The following DOP1B variants were observed in gnomAD, a reference collection of about 807,000 sequenced individuals.
The protein encoded by DOP1B is protein DOP1B.
DOP1B carries 174 observed loss-of-function variants against 233.5 expected under a neutral mutation model. The observed-to-expected ratio is 0.75, with a 90% CI of 0.66 to 0.85. The LOEUF (loss-of-function observed/expected upper bound fraction) is 0.85, where lower values mean the gene tolerates loss of function less well. DOP1B is among the 40% of genes least tolerant of loss of function. DOP1B has a pLI of 0.00. For missense variants in DOP1B, 2,652 were observed against 2,846.6 expected, an observed-to-expected ratio of 0.93 and a Z score of 1.56; for synonymous variants, 1,190 against 1,185.6, an observed-to-expected ratio of 1.00 and a Z score of -0.08.
Position 36,289,221 on chromosome 21 carries a change from A to G in DOP1B, c.6515+15A>G. On this transcript the variant is annotated intron_variant, in intron 35 of 36. Coordinates refer to ENST00000691173, the MANE Select transcript of DOP1B (RefSeq NM_001320714.2). ...TTATTTCAAATGTAAGTCAGATAGG[A>G]TCGTGTGTCCTTTTTGAAGTAAGAG... The G allele has an allele frequency of 6.2e-7, 1 of 1,608,670 alleles. No individual in the cohort carries two copies. Among genetic ancestry groups the G allele is most frequent in the South Asian group, 1.1e-5 (1 of 89,278 alleles).
At position 36,181,125 on chromosome 21, in the gene DOP1B, G is replaced by T. The variant is rs139252549; in HGVS notation, c.138+16254G>T. ...TGTTGCTATCAGTGTGTTAACCACG[G>T]TAATGTTGGCTGCTATAACAAAGAA... On this transcript the variant is annotated intron_variant, in intron 2 of 36. Coordinates refer to ENST00000691173, the MANE Select transcript of DOP1B (RefSeq NM_001320714.2). 2.5e-3 allele frequency among the ~76,000 whole-genome samples: 381 copies of T among 152,280 alleles called. 5 individuals carry two copies. Among genetic ancestry groups the T allele is most frequent in the Non-Finnish European group, 4.4e-3 (302 of 68,024 alleles).
chr21:36,277,944 T>G, intron 28 of DOP1B, 31 bp from the exon 29 acceptor site: 4 of 1,581,530 alleles, frequency 2.5e-6, no homozygotes, highest in South Asian at 1.1e-5. Context: ...ACCTGGCCAG[T>G]TTCTGTTTTC....
chr21:36,213,820 G>A (rs758455431), intron 7 of DOP1B, among the ~76,000 whole-genome samples: 21 of 151,088 alleles, frequency 1.4e-4, no homozygotes, highest in African/African-American at 2.2e-4. Context: ...GATTACAGGC[G>A]TGAGCCACCG....
chr21:36,209,218 T>G (rs1601413325), intron 5 of DOP1B, among the ~76,000 whole-genome samples: 1 of 151,962 alleles, frequency 6.6e-6, no homozygotes, highest in African/African-American at 2.4e-5. Flanking sequence ...GCCTCCCGGG[T>G]TCAAGCAATT....
Position 36,246,843 on chromosome 21 carries a change from A to G in DOP1B, c.4697+166A>G, listed in dbSNP as rs1009224023. 4.8e-5 allele frequency among the ~76,000 whole-genome samples: 7 copies of G among 146,900 alleles called. No individual in the cohort carries two copies. Among genetic ancestry groups the G allele is most frequent in the African/African-American group, 1.8e-4 (7 of 39,282 alleles). ...AACAAGCAACTAAATGTTCTGATCC[A>G]TTATGTTATGTTATGTTATGTTATG... On this transcript the variant is annotated intron_variant, in intron 19 of 36. Coordinates refer to ENST00000691173, the MANE Select transcript of DOP1B (RefSeq NM_001320714.2). The surrounding 1 kb of genome is among the most constrained non-coding windows in gnomAD (Gnocchi z 5.1).
At chr21:36,287,834 C>T (rs1467462968) in intron 32 of DOP1B, among the ~76,000 whole-genome samples, 180 bp from the exon 33 acceptor site, 3 of 152,004 alleles carry the variant, frequency 2.0e-5, no homozygotes, top group African/African-American at 7.2e-5. Flanking sequence ...ATCCGCCCGC[C>T]TCGGCCTCCC....
At chr21:36,219,901 G>A (rs761256707) in intron 10 of DOP1B, among the ~76,000 whole-genome samples, 1 of 151,568 alleles carries the variant, frequency 6.6e-6, no homozygotes, top group Non-Finnish European at 1.5e-5. Flanking sequence ...CAAGTGGAAA[G>A]GGGATGTGAG....
chr21:36,221,460 A>T (rs1484484820), intron 10 of DOP1B, among the ~76,000 whole-genome samples: 1 of 151,992 alleles, frequency 6.6e-6, no homozygotes, highest in East Asian at 2.0e-4. Context: ...GTGCCACTGC[A>T]CTCCAGCCTG....
intron 4 of DOP1B, among the ~76,000 whole-genome samples, chr21:36,201,341 G>GTTTTTTTTTTTTTTTT (rs1317140648): frequency 1.6e-5 from 1 of 63,612 alleles, no homozygotes; most frequent in African/African-American, 7.8e-5. Flanking sequence ...GTATCTATTG[G>GTTTTTTTTTTTTTTTT]ATTCTTTTTT....
chr21:36,247,739 G>C, intron 20 of DOP1B, 111 bp downstream of exon 20: 6 of 702,754 alleles, frequency 8.5e-6, no homozygotes, highest in Non-Finnish European at 1.4e-5. Flanking sequence ...TAACTAATAT[G>C]CGTATGGAGG....
intron 32 of DOP1B, among the ~76,000 whole-genome samples, chr21:36,285,307 G>T (rs553849652): frequency 1.3e-5 from 2 of 151,982 alleles, no homozygotes; most frequent in Non-Finnish European, 2.9e-5. Context: ...TGATCCACCC[G>T]CCTCAGCCTC....
chr21:36,215,870 G>A (rs1218810508), intron 9 of DOP1B, among the ~76,000 whole-genome samples: 1 of 85,360 alleles, frequency 1.2e-5, no homozygotes, highest in Non-Finnish European at 2.5e-5. Flanking sequence ...AAAATTAGCT[G>A]GGCATGGTGG....
intron 14 of DOP1B, among the ~76,000 whole-genome samples, chr21:36,231,695 T>G (rs2066766860): frequency 6.6e-6 from 1 of 150,578 alleles, no homozygotes; most frequent in Admixed American, 6.6e-5. Flanking sequence ...TTTTTTTTTT[T>G]GAGACAGGGT....
chr21:36,218,984 A>T (rs76350093), intron 9 of DOP1B, among the ~76,000 whole-genome samples: 1 of 152,196 alleles, frequency 6.6e-6, no homozygotes, highest in Non-Finnish European at 1.5e-5. Context: ...CACTTAACAC[A>T]CGTAGTCTGC....
At chr21:36,230,208 G>A (rs930403073) in intron 13 of DOP1B, among the ~76,000 whole-genome samples, 4 of 152,004 alleles carry the variant, frequency 2.6e-5, no homozygotes, top group Admixed American at 6.6e-5. Context: ...AGAAAAATAG[G>A]CCCAAAAGCC....
intron 26 of DOP1B, among the ~76,000 whole-genome samples, chr21:36,265,163 A>G (rs2067217426): frequency 6.6e-6 from 1 of 152,224 alleles, no homozygotes; most frequent in African/African-American, 2.4e-5. Context: ...TGGGAGGCCA[A>G]GGTGGGCGGA....
In DOP1B at chr21:36,230,599, G is replaced by A. The variant is rs1300120523; in HGVS notation, c.1815G>A (p.Arg605=). The A allele has an allele frequency of 1.9e-6, 3 of 1,614,112 alleles. No individual in the cohort carries two copies. The African/African-American group carries it at 4.0e-5, about 22-fold the overall frequency. Residue 605 remains arginine (R), a synonymous_variant, in exon 14 of 37, where the codon AGG becomes AGA. Coordinates refer to ENST00000691173, the MANE Select transcript of DOP1B (RefSeq NM_001320714.2). ...CACCGGAGCTCTCTGAGCACTTGAG[G>A]GTTCCTCGAGTTTCTCTGGAAAGGG... ...ASSPELSEHL[R]VPRVSLERDD... is the part of the protein sequence containing the mutation.
intron 11 of DOP1B, among the ~76,000 whole-genome samples, chr21:36,223,987 C>T (rs758119592): frequency 6.6e-6 from 1 of 152,062 alleles, no homozygotes; most frequent in African/African-American, 2.4e-5. Flanking sequence ...CTGTAATGCT[C>T]TTGGCTGTTT....
chr21:36,238,255 A>G (rs957851648), intron 16 of DOP1B, among the ~76,000 whole-genome samples: 2 of 152,180 alleles, frequency 1.3e-5, no homozygotes, highest in South Asian at 2.1e-4. Flanking sequence ...TCTCCTTTCC[A>G]GTCTGTTGTG....
Sources: gnomAD v4.1 joint callset for allele counts (sites outside exome capture counted in the v4.1 genomes callset) on GRCh38, gnomAD v4.1.1 for gene constraint, Gnocchi (gnomAD v3.1) non-coding constraint, MANE v1.5 for transcripts, NCBI Gene and HGNC (gene_info 2026-07-23, HGNC 2026-07-21) for gene names.